Variants in CATSPERE observed in about 807,000 individuals in gnomAD.
The protein encoded by CATSPERE is cation channel sperm-associated auxiliary subunit epsilon.
Under a neutral mutation model 114.1 loss-of-function variants are expected in CATSPERE, and 93 were observed. The ratio of observed to expected loss-of-function variants is 0.81; its 90% CI spans 0.69 to 0.97. The LOEUF (loss-of-function observed/expected upper bound fraction) is 0.97, where lower values mean the gene tolerates loss of function less well. Ranked by LOEUF, CATSPERE falls within the 50% of genes least tolerant of loss-of-function variation. CATSPERE has a pLI of 0.00. For missense variants in CATSPERE, 1,058 were observed against 1,131.6 expected, an observed-to-expected ratio of 0.93 and a Z score of 0.93; for synonymous variants, 341 against 384.1, an observed-to-expected ratio of 0.89 and a Z score of 1.31.
intron 19 of CATSPERE, among the ~76,000 whole-genome samples, 190 bp from the exon 20 acceptor site, chr1:244,617,339 C>T (rs1157266828): frequency 6.6e-6 from 1 of 152,192 alleles, no homozygotes; most frequent in Non-Finnish European, 1.5e-5. Context: ...TTTGCTTTCA[C>T]TAAGCTTCAC....
At chr1:244,627,377 C>T (rs1573087363) in intron 20 of CATSPERE, among the ~76,000 whole-genome samples, 1 of 152,156 alleles carries the variant, frequency 6.6e-6, no homozygotes, top group East Asian at 1.9e-4. Context: ...TCAAGACTCA[C>T]CTGGGCAACA....
intron 20 of CATSPERE, among the ~76,000 whole-genome samples, chr1:244,626,379 G>A (rs759666336): frequency 7.9e-5 from 12 of 151,728 alleles, no homozygotes; most frequent in Non-Finnish European, 1.8e-4. Context: ...CAGCTACCTG[G>A]GAGGCTGAGG....
chr1:244,478,046 CCTTT>C, intron 4 of CATSPERE, 71 bp downstream of exon 4: 1 of 1,217,176 alleles, frequency 8.2e-7, no homozygotes, highest in Non-Finnish European at 1.2e-6. Flanking sequence ...TTTTATTTTG[CCTTT>C]CTTTTGAGCT....
intron 5 of CATSPERE, among the ~76,000 whole-genome samples, chr1:244,481,908 A>G (rs1204907002): frequency 6.6e-6 from 1 of 152,198 alleles, no homozygotes; most frequent in Admixed American, 6.5e-5. Flanking sequence ...TAGCAGCCCA[A>G]ACTAGGACAT....
At chr1:244,490,312 C>A in intron 5 of CATSPERE, 135 bp from the exon 6 acceptor site, 1 of 541,286 alleles carries the variant, frequency 1.8e-6, no homozygotes. Context: ...TACATTTAGC[C>A]TTTAATTTTA....
intron 7 of CATSPERE, among the ~76,000 whole-genome samples, chr1:244,516,095 G>A (rs184202625): frequency 1.3e-5 from 2 of 151,608 alleles, no homozygotes; most frequent in Non-Finnish European, 2.9e-5. Flanking sequence ...GGAGGCTGAG[G>A]TTGGGCGATC....
At chr1:244,591,386 A>G (rs1667703156) in intron 14 of CATSPERE, among the ~76,000 whole-genome samples, 1 of 152,206 alleles carries the variant, frequency 6.6e-6, no homozygotes, top group Admixed American at 6.5e-5. Context: ...GAAATTGTCT[A>G]TCTTTTGAGC....
At chr1:244,583,714 T>A (rs1190445353) in intron 12 of CATSPERE, 150 bp from the exon 13 acceptor site, 2 of 622,744 alleles carry the variant, frequency 3.2e-6, no homozygotes, top group Non-Finnish European at 5.6e-6. Flanking sequence ...AGAGAGCTGT[T>A]ACCAGCAGCA....
At chr1:244,569,846 A>G (rs997360756) in intron 10 of CATSPERE, among the ~76,000 whole-genome samples, 1 of 152,196 alleles carries the variant, frequency 6.6e-6, no homozygotes, top group Non-Finnish European at 1.5e-5. Context: ...ATTCTGTTCC[A>G]CTAATCTATT....
intron 2 of CATSPERE, among the ~76,000 whole-genome samples, chr1:244,466,111 G>T (rs181580639): frequency 6.6e-6 from 1 of 152,152 alleles, no homozygotes; most frequent in Admixed American, 6.5e-5. Flanking sequence ...TCTCAGACTT[G>T]TTATCATAGT....
intron 7 of CATSPERE, among the ~76,000 whole-genome samples, chr1:244,508,080 A>G (rs910781458): frequency 2.0e-5 from 3 of 152,100 alleles, no homozygotes; most frequent in African/African-American, 7.2e-5. Context: ...TTTTAACAAT[A>G]TTAATTGGTC....
intron 7 of CATSPERE, among the ~76,000 whole-genome samples, chr1:244,500,920 A>G (rs988648357): frequency 3.9e-5 from 6 of 152,216 alleles, no homozygotes; most frequent in African/African-American, 1.4e-4. Flanking sequence ...CATTGAATCT[A>G]TAAATTACTG....
chr1:244,559,231 T>C (rs1345561246), intron 9 of CATSPERE, among the ~76,000 whole-genome samples: 1 of 152,248 alleles, frequency 6.6e-6, no homozygotes, highest in African/African-American at 2.4e-5. Flanking sequence ...CTCACCATTT[T>C]GTTTCTAATC....
At chr1:244,606,366 TGAGG>T (rs1670005703) in intron 18 of CATSPERE, among the ~76,000 whole-genome samples, 1 of 151,938 alleles carries the variant, frequency 6.6e-6, no homozygotes, top group Non-Finnish European at 1.5e-5. Context: ...CTTCCTGCCC[TGAGG>T]GCCTCCTGTC....
At chr1:244,480,924 T>A (rs748933444) in intron 5 of CATSPERE, among the ~76,000 whole-genome samples, 9 of 152,140 alleles carry the variant, frequency 5.9e-5, no homozygotes, top group Non-Finnish European at 1.0e-4. Flanking sequence ...CCCCAGCTTT[T>A]CCTCTATGGG....
At chr1:244,520,534 G>T (rs1452785570) in intron 8 of CATSPERE, among the ~76,000 whole-genome samples, 1 of 152,008 alleles carries the variant, frequency 6.6e-6, no homozygotes, top group Non-Finnish European at 1.5e-5. Flanking sequence ...TCTCCCATGG[G>T]TCTCTGCAAC....
chr1:244,579,377 A>T (rs944767837), intron 11 of CATSPERE, among the ~76,000 whole-genome samples: 1 of 152,180 alleles, frequency 6.6e-6, no homozygotes, highest in African/African-American at 2.4e-5. Flanking sequence ...TTTACAGTAG[A>T]TCTGTATATA....
chr1:244,509,912 C>A (rs1458053728), intron 7 of CATSPERE, among the ~76,000 whole-genome samples: 1 of 152,110 alleles, frequency 6.6e-6, no homozygotes, highest in Non-Finnish European at 1.5e-5. Context: ...GTTTGTGGAT[C>A]CACATCAGTT....
intron 7 of CATSPERE, among the ~76,000 whole-genome samples, chr1:244,513,576 AT>A (rs1676107931): frequency 6.6e-6 from 1 of 152,132 alleles, no homozygotes. Flanking sequence ...GTGAAGGTGG[AT>A]GTAGGCAGGT....
Sources: allele counts gnomAD v4.1 joint callset (sites outside exome capture counted in the v4.1 genomes callset), GRCh38; gene constraint gnomAD v4.1.1; transcripts MANE v1.5; gene names NCBI Gene and HGNC (gene_info 2026-07-23, HGNC 2026-07-21).